Variants in NRXN1 observed in about 807,000 individuals in gnomAD.
The protein encoded by NRXN1 is neurexin-1.
A neutral mutation model predicts 150.9 loss-of-function variants in NRXN1; 39 were observed. The observed-to-expected ratio is 0.26, with a 90% CI of 0.20 to 0.34. The LOEUF (loss-of-function observed/expected upper bound fraction) is 0.34, where lower values mean the gene tolerates loss of function less well. Ranked by LOEUF, NRXN1 falls within the 10% of genes least tolerant of loss-of-function variation. The pLI is 1.00. For missense variants in NRXN1, 1,815 were observed against 1,949.9 expected (o/e 0.93, Z 1.30); for synonymous variants, 924 against 757.0 (o/e 1.22, Z -3.62).
At chr2:50,067,202 A>G (rs1456911425) in intron 19 of NRXN1, among the ~76,000 whole-genome samples, 2 of 152,172 alleles carry the variant, frequency 1.3e-5, no homozygotes, top group African/African-American at 4.8e-5. Flanking sequence ...TTGGGGAAGA[A>G]ATTAGAATCT....
chr2:50,758,746 C>T (rs1381381227), intron 5 of NRXN1, among the ~76,000 whole-genome samples: 1 of 151,916 alleles, frequency 6.6e-6, no homozygotes, highest in Non-Finnish European at 1.5e-5. Context: ...TGTGGATCAA[C>T]TTCATGTCAG....
chr2:50,252,502 AC>A (rs2067223702), intron 17 of NRXN1, among the ~76,000 whole-genome samples: 1 of 151,474 alleles, frequency 6.6e-6, no homozygotes, highest in Non-Finnish European at 1.5e-5. Context: ...CAGGTGATCC[AC>A]CCACCTCTGC....
At chr2:50,436,283 G>A (rs987945174) in intron 17 of NRXN1, among the ~76,000 whole-genome samples, 9 of 151,952 alleles carry the variant, frequency 5.9e-5, no homozygotes, top group African/African-American at 4.8e-5. Flanking sequence ...GAAAAACCGC[G>A]TCTCTACTAA....
chr2:49,984,227 T>G (rs930918428), intron 21 of NRXN1, among the ~76,000 whole-genome samples: 3 of 152,020 alleles, frequency 2.0e-5, no homozygotes, highest in Admixed American at 6.6e-5. Flanking sequence ...ATACCATAAA[T>G]GTAATTTGAA....
chr2:50,389,034 G>T (rs1021558011), intron 17 of NRXN1, among the ~76,000 whole-genome samples: 1 of 151,964 alleles, frequency 6.6e-6, no homozygotes, highest in Admixed American at 6.6e-5. Flanking sequence ...CAGGTGTGGT[G>T]GTGTGCACCT....
chr2:50,446,889 C>T (rs1378204032), intron 17 of NRXN1, among the ~76,000 whole-genome samples: 1 of 152,024 alleles, frequency 6.6e-6, no homozygotes, highest in Non-Finnish European at 1.5e-5. Flanking sequence ...AATGGCCAAG[C>T]CCAAGTAATT....
chr2:50,109,475 T>G (rs1026254052), intron 18 of NRXN1, among the ~76,000 whole-genome samples: 1 of 152,190 alleles, frequency 6.6e-6, no homozygotes, highest in Non-Finnish European at 1.5e-5. Context: ...GGCATTGCTT[T>G]GACTTTAAAA....
chr2:50,728,273 T>G (rs1044605820), intron 5 of NRXN1, among the ~76,000 whole-genome samples: 2 of 152,162 alleles, frequency 1.3e-5, no homozygotes, highest in Non-Finnish European at 2.9e-5. Flanking sequence ...TGAGTCCCAG[T>G]CTTCTCAGCA....
chr2:49,921,712 C>T lies in NRXN1; in HGVS notation c.*232G>A, dbSNP rs202048793. ...AAGACAAGCAGAGTAAATGAAAACA[C>T]TGTGGATGTTAGGGAATTTATTGGC... On this transcript the variant is annotated 3_prime_UTR_variant, in exon 23 of 23. Coordinates refer to ENST00000401669, the MANE Select transcript of NRXN1 (RefSeq NM_001330078.2). 106 of 531,508 alleles carry T rather than the reference C, an allele frequency of 2.0e-4. No homozygotes were observed. The highest frequency in any genetic ancestry group is 3.3e-4 in the Non-Finnish European group (100 of 301,544). 32.9% of individuals were successfully genotyped at this position (531,508 alleles called of 1,614,324 possible).
At chr2:51,023,246 A>G (rs1575257862) in intron 2 of NRXN1, among the ~76,000 whole-genome samples, 1 of 152,152 alleles carries the variant, frequency 6.6e-6, no homozygotes, top group African/African-American at 2.4e-5. Context: ...AAATGTGATA[A>G]TGCCATCTTC....
chr2:50,784,920 G>T (rs1271439620), intron 5 of NRXN1, among the ~76,000 whole-genome samples: 1 of 152,066 alleles, frequency 6.6e-6, no homozygotes. Context: ...GATACGAATT[G>T]GAATAAACTG....
At chr2:50,577,376 A>C (rs1395459541) in intron 8 of NRXN1, among the ~76,000 whole-genome samples, 2 of 152,106 alleles carry the variant, frequency 1.3e-5, no homozygotes, top group Admixed American at 6.6e-5. Context: ...AAAAAAAAAA[A>C]ACAAAGATTA....
At chr2:50,510,012 C>G (rs905566861) in intron 12 of NRXN1, among the ~76,000 whole-genome samples, 1 of 152,100 alleles carries the variant, frequency 6.6e-6, no homozygotes, top group South Asian at 2.1e-4. Flanking sequence ...GGCTGCCTAC[C>G]AGCCAGGAAG....
intron 17 of NRXN1, among the ~76,000 whole-genome samples, chr2:50,429,174 C>A (rs1476298399): frequency 1.3e-5 from 2 of 152,060 alleles, no homozygotes; most frequent in African/African-American, 4.8e-5. Flanking sequence ...CTCTCATCGA[C>A]TCCTAACCTG....
rs139634509 is a variant in NRXN1, at chr2:50,074,259, A to C, written c.3718+17064T>G. Among the ~76,000 whole-genome samples the C allele has an allele frequency of 1.5e-3, 231 of 152,272 alleles. 3 individuals carry two copies. The highest frequency in any genetic ancestry group is 3.9e-3 in the African/African-American group (161 of 41,576). ...ATTAGCACTAGATGATGTATTCTTC[A>C]TCAAAAATGAAAAGTTTCCTTTTAG... On this transcript the variant is annotated intron_variant, in intron 19 of 22. Transcript: ENST00000401669.
chr2:49,961,997 C>T (rs1044796408), intron 21 of NRXN1, among the ~76,000 whole-genome samples: 1 of 151,998 alleles, frequency 6.6e-6, no homozygotes, highest in Non-Finnish European at 1.5e-5. Context: ...TCCCAGCCAC[C>T]TGGAGGAGGC....
chr2:50,765,357 C>T (rs1702262849), intron 5 of NRXN1, among the ~76,000 whole-genome samples: 1 of 151,978 alleles, frequency 6.6e-6, no homozygotes, highest in Non-Finnish European at 1.5e-5. Context: ...AACAGGAGCT[C>T]CTCTCAGACA....
chr2:50,665,008 G>A (rs1687821810), intron 5 of NRXN1, among the ~76,000 whole-genome samples: 1 of 151,926 alleles, frequency 6.6e-6, no homozygotes, highest in African/African-American at 2.4e-5. Flanking sequence ...AGTATCAAAT[G>A]TGATAAACTA....
intron 13 of NRXN1, among the ~76,000 whole-genome samples, chr2:50,505,347 T>A (rs142654653): frequency 2.6e-5 from 4 of 152,220 alleles, no homozygotes; most frequent in African/African-American, 4.8e-5. Context: ...GGAATATGTG[T>A]GTCCTATCTA....
Sources: gnomAD v4.1 joint callset for allele counts (sites outside exome capture counted in the v4.1 genomes callset) on GRCh38, gnomAD v4.1.1 for gene constraint, MANE v1.5 for transcripts, NCBI Gene and HGNC (gene_info 2026-07-23, HGNC 2026-07-21) for gene names.